TGFA: variants seen among roughly 807,000 people sequenced by gnomAD.
The protein encoded by TGFA is protransforming growth factor alpha.
TGFA carries 12 observed loss-of-function variants against 21.7 expected under a neutral mutation model. That is an observed-to-expected ratio of 0.55 (90% CI 0.35 to 0.90). The LOEUF is 0.90. Ranked by LOEUF, TGFA falls within the 40% of genes least tolerant of loss-of-function variation. TGFA has a pLI of 0.01. For synonymous variants in TGFA, 79 were observed against 88.1 expected, an observed-to-expected ratio of 0.90 and a Z score of 0.58; for missense variants, 178 against 210.8, an observed-to-expected ratio of 0.84 and a Z score of 0.96.
rs141281594 is a variant in TGFA, at chr2:70,533,548, A to G, written c.41-18636T>C. On this transcript the variant is annotated intron_variant, in intron 1 of 5. Transcript: ENST00000295400. ...AATGTCTGTGTGTTTAAATCTCAGG[A>G]GATAGGTTAGTTTCTTGGCTTCTGA... 9.8e-4 allele frequency among the ~76,000 whole-genome samples: 150 copies of G among 152,320 alleles called. 1 individual carries two copies. Among genetic ancestry groups the G allele is most frequent in the Middle Eastern group, 6.8e-3 (2 of 294 alleles).
intron 3 of TGFA, among the ~76,000 whole-genome samples, chr2:70,461,008 T>G (rs1180858811): frequency 6.6e-6 from 1 of 152,116 alleles, no homozygotes; most frequent in Non-Finnish European, 1.5e-5. Flanking sequence ...TACTTAAGAG[T>G]CCAGTGGCTC....
chr2:70,492,851 C>G (rs1228293026), intron 2 of TGFA, among the ~76,000 whole-genome samples: 1 of 152,088 alleles, frequency 6.6e-6, no homozygotes, highest in Non-Finnish European at 1.5e-5. Flanking sequence ...ACAAAGGTGC[C>G]TTTCATGTTA....
At position 70,542,959 on chromosome 2, in the gene TGFA, C is replaced by T. The variant is rs192395581; in HGVS notation, c.40+10769G>A. 4.1e-3 allele frequency among the ~76,000 whole-genome samples: 613 copies of T among 151,278 alleles called. 8 individuals carry two copies. In the East Asian group the frequency reaches 0.047, roughly 12 times the overall value. On this transcript the variant is annotated intron_variant, in intron 1 of 5. Transcript: ENST00000295400. ...CTCTACTAAAAATACAAAAATTAGCCGGGCGTAGTGGCGGGCGCCTGTAAT... is the reference window on the plus strand; with the variant it reads ...CTCTACTAAAAATACAAAAATTAGCTGGGCGTAGTGGCGGGCGCCTGTAAT...
chr2:70,547,993 G>C (rs1553506243), intron 1 of TGFA, among the ~76,000 whole-genome samples: 1 of 151,884 alleles, frequency 6.6e-6, no homozygotes, highest in South Asian at 2.1e-4. Context: ...TCTTACACTT[G>C]TCTTAATTTT....
intron 1 of TGFA, chr2:70,553,462 T>C: frequency 2.1e-6 from 3 of 1,410,398 alleles, no homozygotes; most frequent in Non-Finnish European, 2.8e-6. Flanking sequence ...TCAAGCCCGT[T>C]CACACTCCGC....
intron 2 of TGFA, among the ~76,000 whole-genome samples, chr2:70,486,563 G>A (rs782659043): frequency 2.8e-4 from 43 of 151,972 alleles, no homozygotes; most frequent in Admixed American, 2.5e-3. Context: ...CTGGGTTCAA[G>A]TCATCCTCCT....
intron 2 of TGFA, among the ~76,000 whole-genome samples, chr2:70,481,578 T>A (rs972643775): frequency 6.6e-6 from 1 of 152,132 alleles, no homozygotes; most frequent in Non-Finnish European, 1.5e-5. Flanking sequence ...CTCCCAATGA[T>A]CCCTACCTCC....
At chr2:70,553,366 G>C in intron 1 of TGFA, 1 of 1,462,924 alleles carries the variant, frequency 6.8e-7, no homozygotes, top group Non-Finnish European at 9.0e-7. Context: ...CAGCGACGCC[G>C]GCTGAGCCGG....
At chr2:70,472,305 G>A (rs1010634238) in intron 2 of TGFA, among the ~76,000 whole-genome samples, 10 of 152,270 alleles carry the variant, frequency 6.6e-5, no homozygotes, top group South Asian at 2.1e-4. Flanking sequence ...AAAAGCAAAT[G>A]TTCCAGGTTT....
chr2:70,453,474 C>A, intron 4 of TGFA, 147 bp from the exon 5 acceptor site: 1 of 623,524 alleles, frequency 1.6e-6, no homozygotes, highest in Admixed American at 2.9e-5. Context: ...GAGGGACAGG[C>A]ACCATAGGGG....
At chr2:70,511,536 T>C (rs1672099708) in intron 2 of TGFA, among the ~76,000 whole-genome samples, 1 of 152,178 alleles carries the variant, frequency 6.6e-6, no homozygotes, top group South Asian at 2.1e-4. Context: ...TAAAACGAAG[T>C]AGCACAAAAT....
At chr2:70,506,357 GC>G (rs1211309257) in intron 2 of TGFA, among the ~76,000 whole-genome samples, 1 of 152,170 alleles carries the variant, frequency 6.6e-6, no homozygotes, top group Non-Finnish European at 1.5e-5. Flanking sequence ...GCCTACAAGG[GC>G]AGTACATTCA....
At chr2:70,544,155 C>A in intron 1 of TGFA, among the ~76,000 whole-genome samples, 1 of 151,918 alleles carries the variant, frequency 6.6e-6, no homozygotes. Context: ...AATATATAAC[C>A]AAAAAGTCAG....
At chr2:70,524,436 C>T (rs782693455) in intron 1 of TGFA, among the ~76,000 whole-genome samples, 15 of 152,258 alleles carry the variant, frequency 9.9e-5, no homozygotes, top group Admixed American at 1.3e-4. Flanking sequence ...GGCCTGCTCA[C>T]GCACTGGCTG....
At chr2:70,475,459 G>T (rs1393790261) in intron 2 of TGFA, among the ~76,000 whole-genome samples, 1 of 152,114 alleles carries the variant, frequency 6.6e-6, no homozygotes, top group Non-Finnish European at 1.5e-5. Context: ...ACTCATGGTT[G>T]GTTTCCTCTA....
chr2:70,512,645 CA>C (rs1200380734), intron 2 of TGFA, among the ~76,000 whole-genome samples: 1 of 152,166 alleles, frequency 6.6e-6, no homozygotes, highest in African/African-American at 2.4e-5. Context: ...CCCTTCTGGA[CA>C]AATTTATCAG....
intron 2 of TGFA, among the ~76,000 whole-genome samples, chr2:70,490,518 C>G (rs1671401200): frequency 6.6e-6 from 1 of 152,210 alleles, no homozygotes; most frequent in Non-Finnish European, 1.5e-5. Flanking sequence ...CTTGTGTTCA[C>G]TTATAGAATA....
intron 4 of TGFA, among the ~76,000 whole-genome samples, chr2:70,455,743 G>T (rs1553490364): frequency 1.3e-5 from 2 of 152,222 alleles, no homozygotes; most frequent in Non-Finnish European, 2.9e-5. Context: ...CCAGTCAGGA[G>T]ATGTGGGCAA....
chr2:70,452,392 T>C (rs1455757496), intron 5 of TGFA, among the ~76,000 whole-genome samples: 1 of 152,176 alleles, frequency 6.6e-6, no homozygotes, highest in Non-Finnish European at 1.5e-5. Flanking sequence ...CCCCACATCC[T>C]GATGTCTTCA....
Sources: gnomAD v4.1 joint callset for allele counts (sites outside exome capture counted in the v4.1 genomes callset) on GRCh38, gnomAD v4.1.1 for gene constraint, MANE v1.5 for transcripts, NCBI Gene and HGNC (gene_info 2026-07-23, HGNC 2026-07-21) for gene names.